The following AFF3 variants were observed in gnomAD, a reference collection of about 807,000 sequenced individuals.
AFF3 encodes the protein ALF transcription elongation factor 3.
A neutral mutation model predicts 129.7 loss-of-function variants in AFF3; 32 were observed. The ratio of observed to expected loss-of-function variants is 0.25; its 90% CI spans 0.19 to 0.33. The LOEUF (loss-of-function observed/expected upper bound fraction) is 0.33. Ranked by LOEUF, AFF3 falls within the 10% of genes least tolerant of loss-of-function variation. The pLI, the probability that AFF3 is intolerant of heterozygous loss-of-function variation, is 1.00. For synonymous variants in AFF3, 644 were observed against 635.4 expected, an observed-to-expected ratio of 1.01 and a Z score of -0.20; for missense variants, 1,373 against 1,592.0, an observed-to-expected ratio of 0.86 and a Z score of 2.34.
chr2:99,573,757 G>A (rs901922247), intron 18 of AFF3, among the ~76,000 whole-genome samples: 2 of 152,156 alleles, frequency 1.3e-5, no homozygotes, highest in Admixed American at 6.5e-5. Flanking sequence ...TCAGGTAGCC[G>A]GGCTCCTGTT....
chr2:99,821,076 T>C lies in AFF3; in HGVS notation c.921+16401A>G, dbSNP rs549629878. Among the ~76,000 whole-genome samples the C allele has an allele frequency of 2.2e-4, 33 of 152,186 alleles. 1 individual carries two copies. The highest frequency in any genetic ancestry group is 3.4e-3 in the Middle Eastern group (1 of 294). ...TTAGTACAGACGGCGTTTCCTCATG[T>C]TGGCCAGGCTGGTCTCCAGCTCCTG... On this transcript the variant is annotated intron_variant, in intron 8 of 24. Coordinates refer to ENST00000672756, the MANE Select transcript of AFF3 (RefSeq NM_001386135.1).
At chr2:100,130,901 G>A (rs1317793670) in intron 1 of AFF3, among the ~76,000 whole-genome samples, 1 of 152,084 alleles carries the variant, frequency 6.6e-6, no homozygotes, top group Non-Finnish European at 1.5e-5. Context: ...TCCAAACAAA[G>A]ATAGTCAAGC....
chr2:99,767,835 C>T (rs754833894), intron 8 of AFF3, among the ~76,000 whole-genome samples: 6 of 152,176 alleles, frequency 3.9e-5, no homozygotes, highest in Non-Finnish European at 7.3e-5. Context: ...GTCCCAGCTA[C>T]TCAGGAGGCT....
rs17023191 is a variant in AFF3, at chr2:99,841,338, C to T, written c.874-3814G>A. Among the ~76,000 whole-genome samples, 706 of 152,270 alleles carry T rather than the reference C, an allele frequency of 4.6e-3. 1 individual carries two copies. Among genetic ancestry groups the T allele is most frequent in the African/African-American group, 0.016 (682 of 41,546 alleles). ...TGGAGACATAGATGTAGGATCTTTA[C>T]ACTAAGTCATCTCTAAGGCAGCTCC... is the stretch of plus-strand genomic sequence containing the variant. On this transcript the variant is annotated intron_variant, in intron 7 of 24. Coordinates refer to ENST00000672756, the MANE Select transcript of AFF3 (RefSeq NM_001386135.1).
intron 8 of AFF3, among the ~76,000 whole-genome samples, chr2:99,773,267 C>G (rs1365849784): frequency 6.6e-6 from 1 of 152,206 alleles, no homozygotes; most frequent in Non-Finnish European, 1.5e-5. Flanking sequence ...GTTCACTGCT[C>G]CTTCCCCAGT....
intron 4 of AFF3, among the ~76,000 whole-genome samples, chr2:100,068,560 A>G (rs1687910854): frequency 2.6e-5 from 4 of 152,186 alleles, no homozygotes; most frequent in Non-Finnish European, 5.9e-5. Flanking sequence ...TGCGTAAAAA[A>G]GGACTTGACT....
At chr2:100,080,038 C>A (rs1158358462) in intron 4 of AFF3, among the ~76,000 whole-genome samples, 1 of 152,220 alleles carries the variant, frequency 6.6e-6, no homozygotes, top group Non-Finnish European at 1.5e-5. Flanking sequence ...CTAGCTCAGA[C>A]ACTGCAAACC....
chr2:99,822,922 A>C (rs1687799294), intron 8 of AFF3, among the ~76,000 whole-genome samples: 1 of 152,178 alleles, frequency 6.6e-6, no homozygotes, highest in Non-Finnish European at 1.5e-5. Flanking sequence ...AGAATGATAA[A>C]TGCTTATTTT....
chr2:99,607,894 A>T lies in AFF3; in HGVS notation c.1185-6273T>A, dbSNP rs570563437. On this transcript the variant is annotated intron_variant, in intron 13 of 24. Coordinates refer to ENST00000672756, the MANE Select transcript of AFF3 (RefSeq NM_001386135.1). Reference sequence around the variant, plus strand: ...CACTATTGATATTAATTCATCTAAAACCATACCACATGGTAAGTGAAAATG... The same window carrying T: ...CACTATTGATATTAATTCATCTAAATCCATACCACATGGTAAGTGAAAATG... Among the ~76,000 whole-genome samples the T allele has an allele frequency of 2.7e-3, 404 of 152,322 alleles. 1 individual carries two copies. The highest frequency in any genetic ancestry group is 5.0e-3 in the Non-Finnish European group (337 of 68,030).
intron 13 of AFF3, among the ~76,000 whole-genome samples, chr2:99,646,616 C>A (rs1366776992): frequency 1.3e-5 from 2 of 152,192 alleles, no homozygotes; most frequent in Non-Finnish European, 2.9e-5. Flanking sequence ...TTGGGATATT[C>A]AGGACCTGGG....
intron 7 of AFF3, among the ~76,000 whole-genome samples, chr2:99,863,997 C>T (rs1691190302): frequency 6.6e-6 from 1 of 152,162 alleles, no homozygotes; most frequent in Non-Finnish European, 1.5e-5. Context: ...GCCTCCATTC[C>T]ACAGAATCCT....
intron 1 of AFF3, among the ~76,000 whole-genome samples, chr2:100,129,775 C>G (rs1692347971): frequency 6.6e-6 from 1 of 152,150 alleles, no homozygotes; most frequent in African/African-American, 2.4e-5. Context: ...TCACAACAAC[C>G]CAGATGAGAG....
chr2:99,687,533 A>G (rs1481353971), intron 11 of AFF3, among the ~76,000 whole-genome samples: 1 of 152,186 alleles, frequency 6.6e-6, no homozygotes, highest in Non-Finnish European at 1.5e-5. Context: ...CTGAGCTCCT[A>G]GAACTCTAGG....
intron 8 of AFF3, among the ~76,000 whole-genome samples, chr2:99,825,082 A>T (rs528694968): frequency 1.7e-4 from 26 of 152,204 alleles, no homozygotes; most frequent in Non-Finnish European, 3.1e-4. Context: ...ATTCCACTGA[A>T]TCCAATGAGC....
At chr2:99,871,363 A>G (rs1366834416) in intron 7 of AFF3, among the ~76,000 whole-genome samples, 3 of 152,232 alleles carry the variant, frequency 2.0e-5, no homozygotes, top group South Asian at 2.1e-4. Flanking sequence ...CCAAGTAAAT[A>G]TGAGCTATCA....
chr2:99,611,132 A>G (rs1029673865), intron 13 of AFF3, among the ~76,000 whole-genome samples: 23 of 152,160 alleles, frequency 1.5e-4, no homozygotes, highest in Non-Finnish European at 3.2e-4. Context: ...TTTTTCAGTT[A>G]TAAAATTTCT....
chr2:99,629,959 C>T (rs560174545), intron 13 of AFF3, among the ~76,000 whole-genome samples: 5 of 152,132 alleles, frequency 3.3e-5, no homozygotes, highest in Admixed American at 2.0e-4. Context: ...TTTAAGAGAA[C>T]GTGAACATTT....
intron 13 of AFF3, among the ~76,000 whole-genome samples, chr2:99,646,501 T>C: frequency 6.6e-6 from 1 of 150,612 alleles, no homozygotes; most frequent in South Asian, 2.1e-4. Flanking sequence ...GATAACAGGC[T>C]GAAAGCAAAA....
rs994326948 is a variant in AFF3, at chr2:99,724,041, A to G, written c.1091+3036T>C. Among the ~76,000 whole-genome samples, 89 of 152,180 alleles carry G rather than the reference A, an allele frequency of 5.8e-4. 1 individual carries two copies. The highest frequency in any genetic ancestry group is 2.1e-3 in the African/African-American group (88 of 41,530). On this transcript the variant is annotated intron_variant, in intron 11 of 24. Coordinates refer to ENST00000672756, the MANE Select transcript of AFF3 (RefSeq NM_001386135.1). ...GACTTCCAGCCTCCAGAACCATGAG[A>G]AAATAAATTTCTGTTACTTTCGCCA...
Sources: allele counts gnomAD v4.1 joint callset (sites outside exome capture counted in the v4.1 genomes callset), GRCh38; gene constraint gnomAD v4.1.1; transcripts MANE v1.5; gene names NCBI Gene and HGNC (gene_info 2026-07-23, HGNC 2026-07-21).